The following CTNNA2 variants were observed in gnomAD, a reference collection of about 807,000 sequenced individuals.
The protein encoded by CTNNA2 is catenin alpha-2.
In CTNNA2, 42 loss-of-function variants were observed where a neutral mutation model predicts 101.0. That is an observed-to-expected ratio of 0.42 (90% confidence interval 0.32 to 0.54). The LOEUF (loss-of-function observed/expected upper bound fraction) is 0.54, where lower values mean the gene tolerates loss of function less well. Ranked by LOEUF, CTNNA2 falls within the 20% of genes least tolerant of loss-of-function variation. The pLI is 0.14. For synonymous variants in CTNNA2, 450 were observed against 456.4 expected (o/e 0.99, Z 0.18); for missense variants, 871 against 1,223.1 (o/e 0.71, Z 4.29).
chr2:79,721,194 G>GT (rs1352398358), intron 2 of CTNNA2, among the ~76,000 whole-genome samples: 6 of 151,976 alleles, frequency 3.9e-5, no homozygotes, highest in Non-Finnish European at 5.9e-5. Context: ...GTCTTAGTCT[G>GT]TTTTTTGTTG....
At chr2:80,252,782 A>C (rs898730600) in intron 7 of CTNNA2, among the ~76,000 whole-genome samples, 1 of 152,140 alleles carries the variant, frequency 6.6e-6, no homozygotes, top group African/African-American at 2.4e-5. Flanking sequence ...CAAGCTCACG[A>C]GGTTACAAGA....
rs1697776342 is a variant in CTNNA2 at position 80,603,950 on chromosome 2, A to C, written c.2190-124A>C. The C allele has an allele frequency of 4.6e-6, 3 of 655,176 alleles. No individual in the cohort carries two copies. The Admixed American group carries it at 9.6e-5, about 21-fold the overall frequency. 40.6% of individuals were successfully genotyped at this position (655,176 alleles called of 1,614,324 possible). The stretch of plus-strand genomic sequence containing the variant: ...GGAGTTAAGCAGGAAAATATTCAAA[A>C]TTCGACTAATGTGGCCAGTGCCAAA... On this transcript the variant is annotated intron_variant, in intron 15 of 18. Transcript: ENST00000402739.
intron 3 of CTNNA2, among the ~76,000 whole-genome samples, chr2:79,759,090 T>C (rs1445923698): frequency 6.6e-6 from 1 of 152,092 alleles, no homozygotes; most frequent in Non-Finnish European, 1.5e-5. Flanking sequence ...CAGAAAGAAA[T>C]GCAGAGGCTG....
intron 7 of CTNNA2, among the ~76,000 whole-genome samples, chr2:80,032,786 A>G (rs536640863): frequency 6.6e-6 from 1 of 152,336 alleles, no homozygotes; most frequent in South Asian, 2.1e-4. Flanking sequence ...TATGGCCTGT[A>G]TGAAGAAACA....
intron 1 of CTNNA2, among the ~76,000 whole-genome samples, chr2:79,616,343 T>C (rs1678618808): frequency 6.6e-6 from 1 of 152,066 alleles, no homozygotes; most frequent in East Asian, 1.9e-4. Flanking sequence ...CTAAGGAAGG[T>C]CTATAGAGAC....
chr2:80,222,590 G>A (rs1368302131), intron 7 of CTNNA2, among the ~76,000 whole-genome samples: 1 of 152,150 alleles, frequency 6.6e-6, no homozygotes, highest in East Asian at 1.9e-4. Context: ...CCAGGCCCAA[G>A]CACTTTTTTC....
At chr2:79,535,135 T>G (rs2103956196) in intron 1 of CTNNA2, among the ~76,000 whole-genome samples, 1 of 152,302 alleles carries the variant, frequency 6.6e-6, no homozygotes, top group African/African-American at 2.4e-5. Context: ...TTAATCTGTT[T>G]AATAGCTAAT....
chr2:79,657,527 T>G (rs1454953034), intron 2 of CTNNA2, among the ~76,000 whole-genome samples: 1 of 151,922 alleles, frequency 6.6e-6, no homozygotes, highest in Non-Finnish European at 1.5e-5. Flanking sequence ...CAGTGTTCTT[T>G]AAATGATTCC....
At chr2:79,906,490 C>G (rs751600533) in intron 6 of CTNNA2, among the ~76,000 whole-genome samples, 2 of 152,182 alleles carry the variant, frequency 1.3e-5, no homozygotes, top group African/African-American at 2.4e-5. Context: ...AGATACAGAT[C>G]TGAATATTGT....
intron 7 of CTNNA2, among the ~76,000 whole-genome samples, chr2:80,214,189 C>A (rs529302331): frequency 5.4e-4 from 82 of 152,170 alleles, no homozygotes; most frequent in African/African-American, 1.9e-3. Context: ...GTGTCTTTTA[C>A]TTGGAGCATT....
intron 6 of CTNNA2, among the ~76,000 whole-genome samples, chr2:79,900,417 A>G (rs1400983370): frequency 6.6e-6 from 1 of 152,244 alleles, no homozygotes; most frequent in East Asian, 1.9e-4. Flanking sequence ...TGAATAAAAT[A>G]AAATGCTTTA....
chr2:79,402,672 G>A (rs561524680), intron 4 of CTNNA2, among the ~76,000 whole-genome samples: 1 of 151,824 alleles, frequency 6.6e-6, no homozygotes, highest in South Asian at 2.1e-4. Context: ...CTGTGGGTAG[G>A]CAAACTACTA....
At chr2:79,481,413 C>A (rs1360436321) in intron 4 of CTNNA2, among the ~76,000 whole-genome samples, 7 of 152,024 alleles carry the variant, frequency 4.6e-5, no homozygotes, top group Admixed American at 3.9e-4. Flanking sequence ...ATTTTGAAGT[C>A]ATGATCAGGT....
rs1485928502 is a variant in CTNNA2 at position 79,954,240 on chromosome 2, T to G, written c.1056+44443T>G. On this transcript the variant is annotated intron_variant, in intron 7 of 18. Coordinates refer to ENST00000402739, the MANE Select transcript of CTNNA2 (RefSeq NM_001282597.3). The stretch of plus-strand genomic sequence containing the variant: ...AAACCACCCCAAAAATCCAGTGATT[T>G]TGCTACCTCAACACGTGGGGATTAC... Among the ~76,000 whole-genome samples, 6 of 152,274 alleles carry G rather than the reference T, an allele frequency of 3.9e-5. No individual in the cohort carries two copies. The East Asian group carries it at 1.2e-3, about 29-fold the overall frequency.
chr2:80,027,870 G>C (rs1391624775), intron 7 of CTNNA2: 1 of 150,026 alleles, frequency 6.7e-6, no homozygotes, highest in African/African-American at 2.5e-5. Context: ...CTACTGGGAA[G>C]GCTAAGGCTG....
At chr2:79,895,977 T>C (rs1011438102) in intron 6 of CTNNA2, among the ~76,000 whole-genome samples, 30 of 152,230 alleles carry the variant, frequency 2.0e-4, no homozygotes, top group African/African-American at 6.3e-4. Flanking sequence ...TCAGCTGGTC[T>C]CCTGCCCATT....
chr2:79,926,414 TTTTA>T (rs1263638321), intron 7 of CTNNA2, among the ~76,000 whole-genome samples: 2 of 152,196 alleles, frequency 1.3e-5, no homozygotes, highest in Admixed American at 6.6e-5. Flanking sequence ...CCGTAAGACC[TTTTA>T]TTTATTTCCT....
At chr2:79,194,777 G>C (rs974406145) in intron 1 of CTNNA2, among the ~76,000 whole-genome samples, 1 of 152,130 alleles carries the variant, frequency 6.6e-6, no homozygotes, top group African/African-American at 2.4e-5. Context: ...AGAGAAATTT[G>C]AGTGGTTCAC....
At chr2:80,092,595 TC>T (rs2148822730) in intron 7 of CTNNA2, among the ~76,000 whole-genome samples, 1 of 152,210 alleles carries the variant, frequency 6.6e-6, no homozygotes, top group East Asian at 1.9e-4. Flanking sequence ...TTTCAACATA[TC>T]CTTTTTCAAC....
Sources: gnomAD v4.1 joint callset for allele counts (sites outside exome capture counted in the v4.1 genomes callset) on GRCh38, gnomAD v4.1.1 for gene constraint, MANE v1.5 for transcripts, NCBI Gene and HGNC (gene_info 2026-07-23, HGNC 2026-07-21) for gene names.